Variants in CAMTA1 observed in about 807,000 individuals in gnomAD.
CAMTA1 encodes calmodulin binding transcription activator 1.
CAMTA1 carries 27 observed loss-of-function variants against 170.9 expected under a neutral mutation model. The ratio of observed to expected loss-of-function variants is 0.16; its 90% confidence interval spans 0.12 to 0.22. The LOEUF is 0.22. CAMTA1 is among the 10% of genes least tolerant of loss of function. The pLI is 1.00. For missense variants in CAMTA1, 1,619 were observed against 2,217.2 expected, an observed-to-expected ratio of 0.73 and a Z score of 5.42; for synonymous variants, 833 against 891.5, an observed-to-expected ratio of 0.93 and a Z score of 1.17.
At chr1:6,891,939 G>C (rs1422841393) in intron 3 of CAMTA1, among the ~76,000 whole-genome samples, 1 of 152,158 alleles carries the variant, frequency 6.6e-6, no homozygotes, top group Non-Finnish European at 1.5e-5. Context: ...ATGTTGTAAG[G>C]GAGGCCAAGG....
chr1:6,981,053 G>A (rs2149646420), intron 3 of CAMTA1, among the ~76,000 whole-genome samples: 1 of 152,210 alleles, frequency 6.6e-6, no homozygotes, highest in African/African-American at 2.4e-5. Context: ...GTACGTGCTG[G>A]CACAGTCTCG....
At chr1:7,058,389 C>A (rs1707695261) in intron 3 of CAMTA1, among the ~76,000 whole-genome samples, 1 of 152,190 alleles carries the variant, frequency 6.6e-6, no homozygotes, top group Non-Finnish European at 1.5e-5. Context: ...TCGTGGACCA[C>A]TTTCCTGCCT....
chr1:7,015,684 C>T (rs1700430312), intron 3 of CAMTA1, among the ~76,000 whole-genome samples: 2 of 152,182 alleles, frequency 1.3e-5, no homozygotes, highest in African/African-American at 4.8e-5. Flanking sequence ...AAAGAACTAC[C>T]TGAGACTGGG....
chr1:6,789,322 T>C (rs1265904082), intron 1 of CAMTA1, among the ~76,000 whole-genome samples: 1 of 152,220 alleles, frequency 6.6e-6, no homozygotes, highest in Non-Finnish European at 1.5e-5. Flanking sequence ...AATAGCCTAT[T>C]CTTTAGAGAG....
chr1:7,310,889 C>T (rs946841389), intron 5 of CAMTA1, among the ~76,000 whole-genome samples: 1 of 151,678 alleles, frequency 6.6e-6, no homozygotes, highest in East Asian at 1.9e-4. Flanking sequence ...TGCTACCATG[C>T]CCGACTAATT....
At chr1:7,424,044 T>G (rs900312311) in intron 5 of CAMTA1, among the ~76,000 whole-genome samples, 2 of 152,080 alleles carry the variant, frequency 1.3e-5, no homozygotes, top group African/African-American at 2.4e-5. Flanking sequence ...TGGGGTGAGG[T>G]GCTTGGTGGG....
chr1:6,828,569 C>T (rs1200013099), intron 3 of CAMTA1, among the ~76,000 whole-genome samples: 4 of 152,054 alleles, frequency 2.6e-5, no homozygotes, highest in Admixed American at 2.0e-4. Flanking sequence ...GGATTACAGG[C>T]GTGAACCACT....
chr1:7,634,252 G>A lies in CAMTA1; in HGVS notation c.511-6148G>A, dbSNP rs1026883194. Among the ~76,000 whole-genome samples the A allele has an allele frequency of 2.0e-5, 3 of 152,120 alleles. No homozygotes were observed. The highest frequency in any genetic ancestry group is 1.3e-4 in the Admixed American group (2 of 15,276). On this transcript the variant is annotated intron_variant, in intron 6 of 22. Coordinates refer to ENST00000303635, the MANE Select transcript of CAMTA1 (RefSeq NM_015215.4). This position sits in a 1 kb window ranked among gnomAD's most constrained non-coding sequence, Gnocchi z 6.2. ...ATTGCAGGCAGGGGGTATATGGGAG[G>A]ATTAGGCTTCCTGGGGTGGGAGAAA...
intron 5 of CAMTA1, among the ~76,000 whole-genome samples, chr1:7,385,158 C>T (rs1374826595): frequency 2.0e-5 from 3 of 150,254 alleles, no homozygotes; most frequent in African/African-American, 2.5e-5. Flanking sequence ...GGCGTGATCT[C>T]GGCTCACTGC....
intron 5 of CAMTA1, among the ~76,000 whole-genome samples, chr1:7,334,964 C>T (rs901869246): frequency 3.3e-5 from 5 of 152,076 alleles, no homozygotes; most frequent in African/African-American, 7.2e-5. Flanking sequence ...TTTTGCACTC[C>T]GCGGACAATT....
At chr1:7,726,756 C>T (rs1320692471) in intron 11 of CAMTA1, among the ~76,000 whole-genome samples, 1 of 152,130 alleles carries the variant, frequency 6.6e-6, no homozygotes, top group Non-Finnish European at 1.5e-5. Context: ...TCTTCCGGTG[C>T]GACGGATATA....
intron 3 of CAMTA1, among the ~76,000 whole-genome samples, chr1:6,944,056 T>C (rs912892375): frequency 6.6e-6 from 1 of 152,076 alleles, no homozygotes; most frequent in African/African-American, 2.4e-5. Context: ...CTGGCACCCC[T>C]GCATTTGAAT....
At chr1:7,178,086 C>T (rs1417740656) in intron 4 of CAMTA1, among the ~76,000 whole-genome samples, 2 of 152,224 alleles carry the variant, frequency 1.3e-5, no homozygotes, top group Admixed American at 6.5e-5. Context: ...CACACATTGA[C>T]CTGCCTCTCT....
At position 7,427,266 on chromosome 1, in the gene CAMTA1, A is replaced by G. The variant is rs12042833; in HGVS notation, c.439-40564A>G. Among the ~76,000 whole-genome samples, 790 of 152,338 alleles carry G rather than the reference A, an allele frequency of 5.2e-3. 18 individuals carry two copies. The highest frequency in any genetic ancestry group is 0.039 in the Admixed American group (592 of 15,296). On this transcript the variant is annotated intron_variant, in intron 5 of 22. Transcript: ENST00000303635. ...TCAGAAAAGCTCCGTTCCTATTTGTACATTGTGAATTCCAGCACATTTAGT... is the reference window on the plus strand; with the variant it reads ...TCAGAAAAGCTCCGTTCCTATTTGTGCATTGTGAATTCCAGCACATTTAGT...
intron 1 of CAMTA1, among the ~76,000 whole-genome samples, chr1:6,808,884 A>T (rs1644842450): frequency 6.6e-6 from 1 of 152,134 alleles, no homozygotes; most frequent in African/African-American, 2.4e-5. Flanking sequence ...GACTGACTGA[A>T]TGTGGGCCTT....
chr1:7,307,271 A>G (rs1166640000), intron 5 of CAMTA1, among the ~76,000 whole-genome samples: 1 of 152,020 alleles, frequency 6.6e-6, no homozygotes, highest in Non-Finnish European at 1.5e-5. Flanking sequence ...TAAAAATACA[A>G]CTGAGTTTTG....
chr1:7,622,178 G>A (rs184635388), intron 6 of CAMTA1, among the ~76,000 whole-genome samples: 3 of 152,342 alleles, frequency 2.0e-5, no homozygotes, highest in African/African-American at 7.2e-5. Context: ...CTGGGAACTT[G>A]TTGGGTGCCC....
chr1:7,362,337 G>C (rs1309228999), intron 5 of CAMTA1, among the ~76,000 whole-genome samples: 2 of 151,944 alleles, frequency 1.3e-5, no homozygotes, highest in Non-Finnish European at 2.9e-5. Context: ...ACTTGAATAG[G>C]ATTATTGGAC....
At chr1:7,462,262 G>A (rs991128301) in intron 5 of CAMTA1, among the ~76,000 whole-genome samples, 3 of 151,914 alleles carry the variant, frequency 2.0e-5, no homozygotes, top group Non-Finnish European at 4.4e-5. Context: ...CAAGGAGCTG[G>A]TATTTTTATT....
Sources: gnomAD v4.1 joint callset for allele counts (sites outside exome capture counted in the v4.1 genomes callset) on GRCh38, gnomAD v4.1.1 for gene constraint, Gnocchi (gnomAD v3.1) non-coding constraint, MANE v1.5 for transcripts, NCBI Gene and HGNC (gene_info 2026-07-23, HGNC 2026-07-21) for gene names.